The following DLGAP1 variants were observed in gnomAD, a reference collection of about 807,000 sequenced individuals.
The protein encoded by DLGAP1 is disks large-associated protein 1.
Under a neutral mutation model 90.8 loss-of-function variants are expected in DLGAP1, and 11 were observed. The observed-to-expected ratio is 0.12, with a 90% CI of 0.08 to 0.20. The LOEUF (loss-of-function observed/expected upper bound fraction) is 0.20. Ranked by LOEUF, DLGAP1 falls within the 10% of genes least tolerant of loss-of-function variation. The probability of loss-of-function intolerance (pLI) is 1.00; values close to 1 mark genes in which losing one functional copy is unlikely to be tolerated. For synonymous variants in DLGAP1, 558 were observed against 540.7 expected, an observed-to-expected ratio of 1.03 and a Z score of -0.44; for missense variants, 1,050 against 1,333.8, an observed-to-expected ratio of 0.79 and a Z score of 3.31.
At chr18:3,621,157 C>T (rs2058084147) in intron 7 of DLGAP1, among the ~76,000 whole-genome samples, 1 of 152,152 alleles carries the variant, frequency 6.6e-6, no homozygotes, top group African/African-American at 2.4e-5. Context: ...AGTCCCAGCA[C>T]TTTGGGAGGC....
intron 7 of DLGAP1, among the ~76,000 whole-genome samples, chr18:3,672,549 C>G (rs1311574519): frequency 2.2e-5 from 3 of 139,088 alleles, no homozygotes; most frequent in African/African-American, 2.7e-5. Flanking sequence ...TGCACTCCAG[C>G]CTGGGCAACA....
At chr18:4,236,362 C>T (rs2078414451) in intron 1 of DLGAP1, among the ~76,000 whole-genome samples, 1 of 152,098 alleles carries the variant, frequency 6.6e-6, no homozygotes, top group Admixed American at 6.6e-5. Context: ...TCATCAAGTC[C>T]ATTATGTCTC....
chr18:4,328,875 T>C (rs1433234059), intron 1 of DLGAP1, among the ~76,000 whole-genome samples: 1 of 152,006 alleles, frequency 6.6e-6, no homozygotes, highest in Non-Finnish European at 1.5e-5. Context: ...AAAGTGCAAG[T>C]ATTTTTAATA....
chr18:4,369,433 C>G (rs1320575286), intron 1 of DLGAP1, among the ~76,000 whole-genome samples: 2 of 152,100 alleles, frequency 1.3e-5, no homozygotes, highest in Admixed American at 1.3e-4. Flanking sequence ...TAGAATCATT[C>G]CCCAATGCCT....
chr18:3,845,524 T>C (rs2068957280), intron 4 of DLGAP1: 1 of 985,166 alleles, frequency 1.0e-6, no homozygotes, highest in South Asian at 4.7e-5. Flanking sequence ...TTAGTGCAGA[T>C]TTTTCAGCCT....
At position 4,312,692 on chromosome 18, in the gene DLGAP1, ACATTT is replaced by A. The variant is rs367621774; in HGVS notation, c.-267+142309_-267+142313del. Among the ~76,000 whole-genome samples the A allele has an allele frequency of 3.9e-5, 6 of 152,342 alleles. No homozygotes were observed. The South Asian group carries it at 1.2e-3, about 32-fold the overall frequency. ...AACATAATTGTAGCATTTTATCATTACATTTATCTGTCAGTTTTATTTTACCATAT... is the reference window on the plus strand; with the variant it reads ...AACATAATTGTAGCATTTTATCATTAATCTGTCAGTTTTATTTTACCATAT... On this transcript the variant is annotated intron_variant, in intron 1 of 12. Transcript: ENST00000315677.
At chr18:3,639,515 C>T (rs1473458205) in intron 7 of DLGAP1, among the ~76,000 whole-genome samples, 2 of 152,130 alleles carry the variant, frequency 1.3e-5, no homozygotes, top group Non-Finnish European at 2.9e-5. Flanking sequence ...TAGCACAGGG[C>T]ATTGGCGGTC....
Position 3,583,143 on chromosome 18 carries a change from GACCTACCT to G in DLGAP1, c.1592-903_1592-896del, listed in dbSNP as rs764967145. On this transcript the variant is annotated intron_variant, in intron 7 of 12. Transcript: ENST00000315677. ...TTTCTGTCTTTCTGCCTGACTGACC[GACCTACCT>G]ACCTACCTACCTACCTACCTACCTA... 6.4e-3 allele frequency among the ~76,000 whole-genome samples: 722 copies of G among 113,698 alleles called. 4 individuals are homozygous for G. The highest frequency in any genetic ancestry group is 0.013 in the African/African-American group (445 of 34,916). The allele number at this position is 113,698 out of a possible 152,430, so 74.6% of individuals were successfully genotyped here. A position where few individuals can be genotyped will look rare whatever the true frequency, so the allele number is the denominator to read the frequency against.
At chr18:4,317,278 C>G (rs60080931) in intron 1 of DLGAP1, among the ~76,000 whole-genome samples, 16 of 152,076 alleles carry the variant, frequency 1.1e-4, no homozygotes, top group African/African-American at 3.6e-4. Flanking sequence ...ACACATTCAC[C>G]GGCTTATTTA....
In DLGAP1 at chr18:3,674,528, G is replaced by A. The variant is rs575737174; in HGVS notation, c.1591+54607C>T. Among the ~76,000 whole-genome samples the A allele has an allele frequency of 2.4e-4, 37 of 152,054 alleles. 1 individual carries two copies. Among genetic ancestry groups the A allele is most frequent in the Non-Finnish European group, 3.4e-4 (23 of 67,992 alleles). On this transcript the variant is annotated intron_variant, in intron 7 of 12. Coordinates refer to ENST00000315677, the MANE Select transcript of DLGAP1 (RefSeq NM_004746.4). ...CCAGCTACTCATGAGGCTGAGGTGG[G>A]AGGATCACTTGAGCCCAGGAGTTCA...
chr18:4,364,177 G>A (rs12970806), intron 1 of DLGAP1, among the ~76,000 whole-genome samples: 14,576 of 146,054 alleles, frequency 0.1, 748 homozygotes, highest in African/African-American at 0.13. Context: ...AACACCATAT[G>A]TTCTCACTCA....
chr18:4,236,321 T>G (rs2078414070), intron 1 of DLGAP1, among the ~76,000 whole-genome samples: 1 of 152,228 alleles, frequency 6.6e-6, no homozygotes, highest in Non-Finnish European at 1.5e-5. Context: ...CATAATTCCT[T>G]TAGTCATTTA....
intron 7 of DLGAP1, among the ~76,000 whole-genome samples, chr18:3,707,607 GA>G (rs1274258689): frequency 1.2e-3 from 132 of 114,420 alleles, no homozygotes; most frequent in African/African-American, 1.3e-3. Flanking sequence ...CCATCTCAAA[GA>G]AAAAAAAAAA....
At chr18:3,586,045 A>G (rs1287611116) in intron 7 of DLGAP1, among the ~76,000 whole-genome samples, 1 of 152,154 alleles carries the variant, frequency 6.6e-6, no homozygotes, top group Non-Finnish European at 1.5e-5. Flanking sequence ...CGCTATCGAT[A>G]GGGATAACTC....
intron 3 of DLGAP1, among the ~76,000 whole-genome samples, chr18:3,973,282 G>T (rs940265283): frequency 2.4e-5 from 2 of 84,204 alleles, no homozygotes; most frequent in African/African-American, 8.8e-5. Flanking sequence ...AGTCAGAATA[G>T]CCATAGCCAA....
chr18:4,226,305 G>A (rs974896908), intron 1 of DLGAP1, among the ~76,000 whole-genome samples: 1 of 152,076 alleles, frequency 6.6e-6, no homozygotes, highest in African/African-American at 2.4e-5. Flanking sequence ...GCTAAAGAGA[G>A]TTCTTCAGTC....
At chr18:4,184,039 G>A (rs928731922) in intron 1 of DLGAP1, among the ~76,000 whole-genome samples, 1 of 152,086 alleles carries the variant, frequency 6.6e-6, no homozygotes, top group Non-Finnish European at 1.5e-5. Context: ...GCCAGTTTAC[G>A]CAAAGCAAAT....
intron 1 of DLGAP1, among the ~76,000 whole-genome samples, chr18:4,360,677 G>C (rs2081611767): frequency 6.6e-6 from 1 of 152,012 alleles, no homozygotes; most frequent in African/African-American, 2.4e-5. Flanking sequence ...AATGAAAAGA[G>C]AATCAAAAAA....
chr18:3,529,774 G>C (rs542723844), intron 10 of DLGAP1, among the ~76,000 whole-genome samples: 3 of 152,266 alleles, frequency 2.0e-5, no homozygotes, highest in African/African-American at 7.2e-5. Flanking sequence ...AACAAATTAG[G>C]CCTGGAACAA....
Sources: allele counts gnomAD v4.1 joint callset (sites outside exome capture counted in the v4.1 genomes callset), GRCh38; gene constraint gnomAD v4.1.1; transcripts MANE v1.5; gene names NCBI Gene and HGNC (gene_info 2026-07-23, HGNC 2026-07-21).